SAFB2: variants seen among roughly 807,000 people sequenced by gnomAD.
The protein encoded by SAFB2 is scaffold attachment factor B2.
In SAFB2, 32 loss-of-function variants were observed where a neutral mutation model predicts 100.6. The ratio of observed to expected loss-of-function variants is 0.32; its 90% CI spans 0.24 to 0.43. The LOEUF (loss-of-function observed/expected upper bound fraction) is 0.43. Among genes scored for constraint, SAFB2 ranks in the 20% least tolerant of loss-of-function variants. The pLI is 1.00. For missense variants in SAFB2, 1,185 were observed against 1,163.4 expected (o/e 1.02, Z -0.27); for synonymous variants, 500 against 439.4 (o/e 1.14, Z -1.72).
At chr19:5,590,153 C>A in intron 18 of SAFB2, 125 bp downstream of exon 18, 1 of 838,244 alleles carries the variant, frequency 1.2e-6, no homozygotes, top group Non-Finnish European at 1.7e-6. Flanking sequence ...AATGGCAGGA[C>A]CCCTGGTAGC....
In SAFB2 at chr19:5,622,746, G is replaced by GT. The variant is rs745933484; in HGVS notation, c.-32dup. 3 of 1,576,328 alleles carry GT rather than the reference G, an allele frequency of 1.9e-6. No homozygotes were observed. Among genetic ancestry groups the GT allele is most frequent in the Admixed American group, 1.8e-5 (1 of 57,064 alleles). On this transcript the variant is annotated 5_prime_UTR_variant, in exon 1 of 21. Transcript: ENST00000252542. ...CGTTCCCGTCTTCGCCACCGACTCA[G>GT]TCGCACACCGCCGGCAGCTATAGCG...
chr19:5,587,362 G>T lies in SAFB2; in HGVS notation c.2743C>A (p.His915Asn), dbSNP rs1428195153. ...TCCAGTCCGCCACCTGGCACCACGT[G>T]GCCCTGGGAATGTCCACCTTGTGCA... ...GFAQGGHSQG[H>N]VVPGGGLEGG... The change falls in exon 21 of 21, where the codon CAC (histidine) becomes AAC (asparagine). Residue 915 changes from histidine (H) to asparagine (N), a missense_variant. This residue lies in a region of SAFB2 where 740 missense variants were observed against 687.1 expected (regional missense o/e 1.08). Coordinates refer to ENST00000252542, the MANE Select transcript of SAFB2 (RefSeq NM_014649.3). The surrounding 1 kb of genome is among the most constrained non-coding windows in gnomAD (Gnocchi z 4.9). 2.5e-6 allele frequency: 4 copies of T among 1,613,078 alleles called. No homozygotes were observed. The African/African-American group carries it at 4.0e-5, about 16-fold the overall frequency.
intron 2 of SAFB2, among the ~76,000 whole-genome samples, chr19:5,616,742 C>T (rs896446183): frequency 6.8e-6 from 1 of 146,454 alleles, no homozygotes; most frequent in Non-Finnish European, 1.5e-5. Context: ...ATCTCCACCT[C>T]CTGGGTTCAA....
At chr19:5,598,253 T>C (rs1440199910) in intron 13 of SAFB2, among the ~76,000 whole-genome samples, 1 of 152,094 alleles carries the variant, frequency 6.6e-6, no homozygotes, top group African/African-American at 2.4e-5. Context: ...AGCTAGAACC[T>C]GCAGCTGGGA....
At chr19:5,598,925 GC>G (rs749995613) in intron 12 of SAFB2, 41 bp from the exon 13 acceptor site, 1 of 1,588,540 alleles carries the variant, frequency 6.3e-7, no homozygotes, top group Non-Finnish European at 8.6e-7. Context: ...ACCTGTGGAC[GC>G]CCCAACTTCC....
chr19:5,593,882 G>A lies in SAFB2; in HGVS notation c.2207+9C>T, dbSNP rs1271571280. On this transcript the variant is annotated intron_variant, in intron 15 of 20. Coordinates refer to ENST00000252542, the MANE Select transcript of SAFB2 (RefSeq NM_014649.3). ...TCTCCGTCCTGCCCACGCTCTGGGC[G>A]GGACTCACCGGTCCAGGTCGTAGGG... 1 of 1,480,524 alleles carries A rather than the reference G, an allele frequency of 6.8e-7. No individual in the cohort carries two copies. Among genetic ancestry groups the A allele is most frequent in the South Asian group, 1.4e-5 (1 of 71,384 alleles). The allele number at this position is 1,480,524 out of a possible 1,614,324, so 91.7% of individuals were successfully genotyped here. A position where few individuals can be genotyped will look rare whatever the true frequency, so the allele number is the denominator to read the frequency against.
chr19:5,615,436 G>A (rs739944), intron 4 of SAFB2, among the ~76,000 whole-genome samples: 4,174 of 151,692 alleles, frequency 0.028, 114 homozygotes, highest in African/African-American at 0.069. Flanking sequence ...AGCTGGGCAC[G>A]GTGGACCACA....
At chr19:5,593,172 CT>C (rs2052452306) in intron 15 of SAFB2, among the ~76,000 whole-genome samples, 1 of 152,238 alleles carries the variant, frequency 6.6e-6, no homozygotes, top group Non-Finnish European at 1.5e-5. Flanking sequence ...TTGATCCCCC[CT>C]CATGAGCAAC....
At position 5,622,620 on chromosome 19, in the gene SAFB2, C is replaced by G. The variant is rs1269380121; in HGVS notation, c.96G>C (p.Glu32Asp). The G allele has an allele frequency of 4.3e-6, 7 of 1,612,436 alleles. No homozygotes were observed. Among genetic ancestry groups the G allele is most frequent in the Non-Finnish European group, 5.9e-6 (7 of 1,179,590 alleles). The change falls in exon 1 of 21, where the codon GAG (glutamate) becomes GAC (aspartate). Residue 32 changes from glutamate (E) to aspartate (D), a missense_variant. Glu to Asp is a conservative substitution (Grantham distance 45). This residue lies in a region of SAFB2 where 351 missense variants were observed against 341.2 expected (regional missense o/e 1.03). Transcript: ENST00000252542. Reference sequence around the variant, plus strand: ...CCGCCCGCAGATCGATCACCCGCAGCTCGCTGAGCCGCCTCGTCCCAGTCT... The same window carrying G: ...CCGCCCGCAGATCGATCACCCGCAGGTCGCTGAGCCGCCTCGTCCCAGTCT... ...VAETGTRRLSELRVIDLRAEL... is the reference protein window; with the variant it reads ...VAETGTRRLSDLRVIDLRAEL...
rs565415217 is a variant in SAFB2 at position 5,587,298 on chromosome 19, A to G, written c.2807T>C (p.Val936Ala). 19 of 1,610,324 alleles carry G rather than the reference A, an allele frequency of 1.2e-5. No homozygotes were observed. The highest frequency in any genetic ancestry group is 3.8e-4 in the Middle Eastern group (2 of 5,312). ...GGGGGGATGAGGGTGTGGGTGAGGG[A>G]CTCTGCTGCCCCGGTCCTGGCTGGC... ...GVASQDRGSR[V>A]PHPHPHPPPY... is the part of the protein sequence containing the mutation. The change falls in exon 21 of 21, where the codon GTC becomes GCC. Residue 936 changes from valine (V) to alanine (A), a missense_variant. This residue lies in a region of SAFB2 where 740 missense variants were observed against 687.1 expected (regional missense o/e 1.08). Coordinates refer to ENST00000252542, the MANE Select transcript of SAFB2 (RefSeq NM_014649.3). This position sits in a 1 kb window ranked among gnomAD's most constrained non-coding sequence, Gnocchi z 4.9.
At chr19:5,589,157 G>A (rs117320076) in intron 18 of SAFB2, 2,201 of 152,408 alleles carry the variant, frequency 0.014, 31 homozygotes, top group Admixed American at 0.02. Context: ...TGTGGAACCT[G>A]CCCTCGGTGA....
intron 9 of SAFB2, among the ~76,000 whole-genome samples, chr19:5,609,428 C>T (rs1220949323): frequency 6.6e-6 from 1 of 151,742 alleles, no homozygotes; most frequent in Non-Finnish European, 1.5e-5. Flanking sequence ...CTCAGCTTCC[C>T]GAGTAGCTGC....
intron 16 of SAFB2, among the ~76,000 whole-genome samples, chr19:5,592,383 G>C (rs1378610341): frequency 6.6e-6 from 1 of 152,128 alleles, no homozygotes; most frequent in Admixed American, 6.5e-5. Context: ...GGCCTCATGA[G>C]AAATTTTGCA....
rs911441816 is a variant in SAFB2, at chr19:5,611,167, C to T, written c.1098G>A (p.Pro366=). 3 of 481,088 alleles carry T rather than the reference C, an allele frequency of 6.2e-6. No individual in the cohort carries two copies. Among genetic ancestry groups the T allele is most frequent in the African/African-American group, 3.3e-5 (1 of 30,518 alleles). The allele number at this position is 481,088 out of a possible 1,614,324, so 29.8% of individuals were successfully genotyped here. A position where few individuals can be genotyped will look rare whatever the true frequency, so the allele number is the denominator to read the frequency against. ...CACTGGTTGAGGACTCTTTAGGAGC[C>T]GGAGGGACTTCATTACAAGCGTCAA... The part of the protein sequence containing the change: ...FDFDACNEVP[P]APKESSTSEG... The change falls in exon 7 of 21, where the codon CCG becomes CCA. Residue 366 remains proline, a synonymous_variant. Coordinates refer to ENST00000252542, the MANE Select transcript of SAFB2 (RefSeq NM_014649.3).
chr19:5,620,672 G>C (rs753026241), intron 2 of SAFB2, among the ~76,000 whole-genome samples: 4 of 152,234 alleles, frequency 2.6e-5, no homozygotes, highest in Non-Finnish European at 5.9e-5. Context: ...GCTGGAGGGA[G>C]AAAAGTAAGG....
chr19:5,616,405 A>AC lies in SAFB2; in HGVS notation c.339+16dup. The AC allele has an allele frequency of 6.2e-7, 1 of 1,613,220 alleles. No homozygotes were observed. The highest frequency in any genetic ancestry group is 8.5e-7 in the Non-Finnish European group (1 of 1,179,716). ...CAGGGAGCTGCTGCTTGTCATCTCT[A>AC]CCCTGACATCACTTACCTGCCCGTC... On this transcript the variant is annotated intron_variant, in intron 3 of 20. Coordinates refer to ENST00000252542, the MANE Select transcript of SAFB2 (RefSeq NM_014649.3).
intron 11 of SAFB2, among the ~76,000 whole-genome samples, chr19:5,601,866 T>A (rs548666232): frequency 6.6e-6 from 1 of 152,168 alleles, no homozygotes; most frequent in African/African-American, 2.4e-5. Context: ...TAAATATATA[T>A]GCTGGAAAAA....
rs771872975 is a variant in SAFB2 at position 5,592,796 on chromosome 19, C to T, written c.2299G>A (p.Asp767Asn). ...TGGCCCCGGTCTCGATGATCGAAGT[C>T]GTGAAAGCGGTGGTCTGGCCGGGGA... ...DFPRPDHRFHDFDHRDRGQYQ... is the reference protein window; with the variant it reads ...DFPRPDHRFHNFDHRDRGQYQ... The change falls in exon 16 of 21, where the codon GAC (aspartate) becomes AAC (asparagine). Residue 767 changes from aspartate to asparagine, a missense_variant. Asp to Asn is a conservative substitution (Grantham distance 23). This residue lies in a region of SAFB2 where 740 missense variants were observed against 687.1 expected (regional missense o/e 1.08). Transcript: ENST00000252542. 7.4e-6 allele frequency: 12 copies of T among 1,614,202 alleles called. No individual in the cohort carries two copies. Among genetic ancestry groups the T allele is most frequent in the East Asian group, 2.2e-5 (1 of 44,888 alleles).
Position 5,604,574 on chromosome 19 carries a change from T to G in SAFB2, c.1559+9A>C, listed in dbSNP as rs2052732436. ...GGATTCCAAGAGGAGGTTTGAAAATTCACTTTACTTTTCAATTTTGATCTC... is the reference window on the plus strand; with the variant it reads ...GGATTCCAAGAGGAGGTTTGAAAATGCACTTTACTTTTCAATTTTGATCTC... On this transcript the variant is annotated intron_variant, in intron 11 of 20. Transcript: ENST00000252542. 4 of 1,610,034 alleles carry G rather than the reference T, an allele frequency of 2.5e-6. No individual in the cohort carries two copies. Among genetic ancestry groups the G allele is most frequent in the South Asian group, 2.2e-5 (2 of 90,758 alleles).
Sources: allele counts gnomAD v4.1 joint callset (sites outside exome capture counted in the v4.1 genomes callset), GRCh38; gene constraint gnomAD v4.1.1; regional missense constraint gnomAD v4.1.1; non-coding constraint Gnocchi (gnomAD v3.1); transcripts MANE v1.5; gene names NCBI Gene and HGNC (gene_info 2026-07-23, HGNC 2026-07-21).